The following SLC13A3 variants were observed in gnomAD, a reference collection of about 807,000 sequenced individuals.
SLC13A3 encodes the protein Na(+)/dicarboxylate cotransporter 3.
A neutral mutation model predicts 59.0 loss-of-function variants in SLC13A3; 40 were observed. That is an observed-to-expected ratio of 0.68 (90% CI 0.53 to 0.88). The LOEUF (loss-of-function observed/expected upper bound fraction) is 0.88, where lower values mean the gene tolerates loss of function less well. SLC13A3 is among the 40% of genes least tolerant of loss of function. The probability of loss-of-function intolerance (pLI) is 0.00; values close to 1 mark genes in which losing one functional copy is unlikely to be tolerated. For synonymous variants in SLC13A3, 317 were observed against 330.3 expected (o/e 0.96, Z 0.44); for missense variants, 699 against 783.2 (o/e 0.89, Z 1.28).
At chr20:46,629,253 T>G (rs534005293) in intron 1 of SLC13A3, among the ~76,000 whole-genome samples, 47 of 152,380 alleles carry the variant, frequency 3.1e-4, no homozygotes, top group African/African-American at 1.1e-3. Context: ...TATTTAATTA[T>G]TGCAGAAATT....
intron 1 of SLC13A3, among the ~76,000 whole-genome samples, chr20:46,660,716 A>T (rs1040746027): frequency 6.6e-6 from 1 of 152,092 alleles, no homozygotes; most frequent in Admixed American, 6.6e-5. Context: ...TATCTCTTCA[A>T]ATACCTCTTT....
chr20:46,680,961 T>A (rs2063151090), intron 1 of SLC13A3, among the ~76,000 whole-genome samples: 1 of 152,152 alleles, frequency 6.6e-6, no homozygotes, highest in Admixed American at 6.5e-5. Flanking sequence ...AAGGAGGGGA[T>A]CCTAGGCCAT....
intron 9 of SLC13A3, among the ~76,000 whole-genome samples, chr20:46,577,252 A>C (rs2745731): frequency 0.8 from 119,165 of 149,478 alleles, 47,317 homozygotes; most frequent in East Asian, 0.86. Context: ...ATGCAGCCCA[A>C]AGATGTATCA....
intron 1 of SLC13A3, among the ~76,000 whole-genome samples, chr20:46,619,732 CT>C (rs1248010070): frequency 6.6e-6 from 1 of 152,182 alleles, no homozygotes; most frequent in Non-Finnish European, 1.5e-5. Context: ...GAACATTCTT[CT>C]GCTTCTTCAT....
At chr20:46,681,030 T>C (rs2063151360) in intron 1 of SLC13A3, among the ~76,000 whole-genome samples, 1 of 152,154 alleles carries the variant, frequency 6.6e-6, no homozygotes. Context: ...AATAGAGAAG[T>C]GGCATGTTCT....
intron 1 of SLC13A3, among the ~76,000 whole-genome samples, chr20:46,667,860 T>C (rs1270302728): frequency 6.6e-6 from 1 of 152,236 alleles, no homozygotes; most frequent in Non-Finnish European, 1.5e-5. Context: ...CTAGGTCACA[T>C]TTTGGTAATC....
chr20:46,567,337 A>T (rs760196361), intron 10 of SLC13A3, among the ~76,000 whole-genome samples: 1 of 152,172 alleles, frequency 6.6e-6, no homozygotes, highest in Non-Finnish European at 1.5e-5. Context: ...GGGACCAGGC[A>T]CCTGCAGGCA....
chr20:46,574,729 CTG>C (rs998997721), intron 10 of SLC13A3, among the ~76,000 whole-genome samples: 5 of 152,136 alleles, frequency 3.3e-5, no homozygotes, highest in African/African-American at 1.2e-4. Flanking sequence ...CTGTATCTCT[CTG>C]TGTCTCAAGT....
At chr20:46,563,847 C>T (rs2061956171) in intron 11 of SLC13A3, among the ~76,000 whole-genome samples, 1 of 152,094 alleles carries the variant, frequency 6.6e-6, no homozygotes, top group South Asian at 2.1e-4. Context: ...AGAACATTCC[C>T]AGGGTTAGTG....
chr20:46,651,545 C>A (rs149881295), upstream of SLC13A3: 12 of 1,316,114 alleles, frequency 9.1e-6, no homozygotes, highest in Non-Finnish European at 1.2e-5. Context: ...CTCCCTGCTC[C>A]TCCTGGAGGA....
upstream of SLC13A3, among the ~76,000 whole-genome samples, chr20:46,672,862 T>C (rs142887944): frequency 6.6e-6 from 1 of 152,224 alleles, no homozygotes; most frequent in Non-Finnish European, 1.5e-5. Flanking sequence ...AATGAAGCTG[T>C]CTTAGGCCCC....
intron 8 of SLC13A3, among the ~76,000 whole-genome samples, chr20:46,587,691 C>CT (rs2062207936): frequency 6.6e-6 from 1 of 152,210 alleles, no homozygotes; most frequent in South Asian, 2.1e-4. Context: ...TGTTGTCTAA[C>CT]TACTTGCTTT....
intron 1 of SLC13A3, among the ~76,000 whole-genome samples, chr20:46,632,913 A>AGATAGATAGACAGATAGC (rs1369865976): frequency 1.8e-5 from 1 of 56,812 alleles, no homozygotes; most frequent in African/African-American, 6.2e-5. Context: ...AGATAGATAT[A>AGATAGATAGACAGATAGC]TCTATCTATC....
upstream of SLC13A3, among the ~76,000 whole-genome samples, chr20:46,671,988 C>A (rs1362122545): frequency 6.6e-6 from 1 of 152,226 alleles, no homozygotes; most frequent in East Asian, 1.9e-4. Flanking sequence ...ACACCTGTCC[C>A]ACTAAACAGG....
At chr20:46,636,560 T>G (rs969386879) in intron 1 of SLC13A3, among the ~76,000 whole-genome samples, 12 of 152,206 alleles carry the variant, frequency 7.9e-5, no homozygotes, top group Non-Finnish European at 1.3e-4. Flanking sequence ...CCTCTCACTA[T>G]TTGGAGGGCA....
chr20:46,654,182 G>A (rs1025022450), upstream of SLC13A3, among the ~76,000 whole-genome samples: 5 of 152,076 alleles, frequency 3.3e-5, no homozygotes, highest in African/African-American at 7.2e-5. Context: ...TCTGATGTGC[G>A]TTTCTCTAAT....
chr20:46,608,943 A>T (rs2062463601), intron 3 of SLC13A3: 1 of 1,550,984 alleles, frequency 6.4e-7, no homozygotes, highest in Non-Finnish European at 8.7e-7. Flanking sequence ...GAAGTTGCAC[A>T]CATCATTTCC....
At chr20:46,611,777 G>A (rs1412209259) in intron 2 of SLC13A3, among the ~76,000 whole-genome samples, 1 of 152,060 alleles carries the variant, frequency 6.6e-6, no homozygotes, top group African/African-American at 2.4e-5. Context: ...CCTCTACAAG[G>A]CAGCTAAGAC....
At chr20:46,639,965 G>A (rs1399705427) in intron 1 of SLC13A3, among the ~76,000 whole-genome samples, 2 of 152,110 alleles carry the variant, frequency 1.3e-5, no homozygotes. Context: ...GGCAAGTGAG[G>A]GAACCACTCG....
Sources: allele counts gnomAD v4.1 joint callset (sites outside exome capture counted in the v4.1 genomes callset), GRCh38; gene constraint gnomAD v4.1.1; transcripts MANE v1.5; gene names NCBI Gene and HGNC (gene_info 2026-07-23, HGNC 2026-07-21).